SRL: variants seen among roughly 807,000 people sequenced by gnomAD.
SRL encodes sarcalumenin.
A neutral mutation model predicts 39.5 loss-of-function variants in SRL; 23 were observed. The observed-to-expected ratio is 0.58, with a 90% CI of 0.42 to 0.82. SRL has a LOEUF of 0.82. Ranked by LOEUF, SRL falls within the 40% of genes least tolerant of loss-of-function variation. SRL has a pLI of 0.00. For missense variants in SRL, 592 were observed against 607.8 expected (o/e 0.97, Z 0.27); for synonymous variants, 272 against 237.4 (o/e 1.15, Z -1.34).
chr16:4,224,908 C>A lies in SRL; in HGVS notation c.61+17099G>T, dbSNP rs2052570251. ...ATCCACACAATGCAATATTTCCCAG[C>A]CATGGAAAGGGGTGGAGCGCTTCCA... On this transcript the variant is annotated intron_variant, in intron 1 of 5. Transcript: ENST00000399609. Among the ~76,000 whole-genome samples the A allele has an allele frequency of 2.0e-5, 3 of 152,134 alleles. No homozygotes were observed. The South Asian group carries it at 6.2e-4, about 31-fold the overall frequency.
At chr16:4,205,728 T>C (rs893275956) in intron 1 of SRL, among the ~76,000 whole-genome samples, 1 of 152,122 alleles carries the variant, frequency 6.6e-6, no homozygotes, top group Non-Finnish European at 1.5e-5. Context: ...GGGCAGGACC[T>C]TCCACAGGGC....
chr16:4,237,086 TA>T lies in SRL; in HGVS notation c.61+4920del, dbSNP rs577412945. On this transcript the variant is annotated intron_variant, in intron 1 of 5. Transcript: ENST00000399609. ...CCTCCCAAGTAGCTGGGACTACAGG[TA>T]CCCGCCATCATGCCCAGTTCATTTT... is the stretch of plus-strand genomic sequence containing the variant. Among the ~76,000 whole-genome samples the T allele has an allele frequency of 4.0e-3, 605 of 152,056 alleles. 5 individuals carry two copies. Among genetic ancestry groups the T allele is most frequent in the African/African-American group, 0.014 (581 of 41,470 alleles).
At chr16:4,210,874 T>A (rs1295937161) in intron 1 of SRL, among the ~76,000 whole-genome samples, 1 of 152,196 alleles carries the variant, frequency 6.6e-6, no homozygotes, top group South Asian at 2.1e-4. Flanking sequence ...GCTTGGGCCA[T>A]GTGACTTCAG....
chr16:4,208,515 G>C (rs2052354797), intron 1 of SRL, among the ~76,000 whole-genome samples: 1 of 152,162 alleles, frequency 6.6e-6, no homozygotes, highest in African/African-American at 2.4e-5. Context: ...GTGCAGCTGG[G>C]CTCAACCTTG....
chr16:4,238,858 C>T (rs1420798031), intron 1 of SRL, among the ~76,000 whole-genome samples: 2 of 151,756 alleles, frequency 1.3e-5, no homozygotes, highest in South Asian at 2.1e-4. Context: ...TAGCTTCAAG[C>T]GATCCTCCCA....
At chr16:4,235,476 A>T (rs1176348273) in intron 1 of SRL, among the ~76,000 whole-genome samples, 1 of 152,200 alleles carries the variant, frequency 6.6e-6, no homozygotes, top group Non-Finnish European at 1.5e-5. Flanking sequence ...CAGGAGAATC[A>T]CTTGAGCCCA....
chr16:4,227,815 A>T (rs1439710777), intron 1 of SRL, among the ~76,000 whole-genome samples: 1 of 152,200 alleles, frequency 6.6e-6, no homozygotes, highest in Non-Finnish European at 1.5e-5. Flanking sequence ...ATCATGTGAC[A>T]GCTACATGAA....
chr16:4,204,348 C>T (rs555552843), intron 2 of SRL, among the ~76,000 whole-genome samples, 185 bp downstream of exon 2: 13 of 89,340 alleles, frequency 1.5e-4, no homozygotes, highest in Admixed American at 3.8e-4. Flanking sequence ...GCCTCCTCCA[C>T]GAAGCCTCCC....
chr16:4,199,692 CCTTTTTTTT>C (rs2088773409), intron 3 of SRL, among the ~76,000 whole-genome samples: 1 of 111,454 alleles, frequency 9.0e-6, no homozygotes, highest in African/African-American at 3.4e-5. Flanking sequence ...CTTTTCTTTT[CCTTTTTTTT>C]TTTTTTTTTT....
chr16:4,219,866 C>T (rs886574637), intron 1 of SRL, among the ~76,000 whole-genome samples: 2 of 152,002 alleles, frequency 1.3e-5, no homozygotes, highest in African/African-American at 4.8e-5. Flanking sequence ...GAATGGTTGT[C>T]ATCACCACCA....
chr16:4,210,659 T>C (rs1283601233), intron 1 of SRL, among the ~76,000 whole-genome samples: 1 of 152,088 alleles, frequency 6.6e-6, no homozygotes, highest in Non-Finnish European at 1.5e-5. Context: ...ATTTTTGTAT[T>C]TTTAATAGAG....
intron 1 of SRL, among the ~76,000 whole-genome samples, chr16:4,241,017 G>T (rs774466490): frequency 1.3e-5 from 2 of 152,036 alleles, no homozygotes; most frequent in Non-Finnish European, 2.9e-5. Flanking sequence ...TCCCTGCAGG[G>T]ACTGTGCCCC....
chr16:4,232,729 C>G (rs1213014105), intron 1 of SRL, among the ~76,000 whole-genome samples: 1 of 152,194 alleles, frequency 6.6e-6, no homozygotes, highest in Admixed American at 6.5e-5. Context: ...CCAAGGTACT[C>G]TTGAACTCCT....
At chr16:4,225,659 C>G (rs569937251) in intron 1 of SRL, among the ~76,000 whole-genome samples, 157 of 152,262 alleles carry the variant, frequency 1.0e-3, no homozygotes, top group African/African-American at 3.7e-3. Flanking sequence ...TCAATCCAAC[C>G]ATTTCTTAAC....
In SRL at chr16:4,191,900, G is replaced by GC; in HGVS notation, c.*252dup. ...CCTTCCAAGACAGGACCCAGGAAAA[G>GC]CAGGTGGAGGCTGACTTGCCTCAAT... On this transcript the variant is annotated 3_prime_UTR_variant, in exon 6 of 6. Transcript: ENST00000399609. The GC allele has an allele frequency of 2.3e-6, 1 of 440,246 alleles. No homozygotes were observed. Among genetic ancestry groups the GC allele is most frequent in the East Asian group, 3.5e-5 (1 of 28,788 alleles). 27.3% of individuals were successfully genotyped at this position (440,246 alleles called of 1,614,324 possible).
intron 1 of SRL, among the ~76,000 whole-genome samples, chr16:4,215,862 C>G (rs2052453255): frequency 6.6e-6 from 1 of 152,068 alleles, no homozygotes; most frequent in Non-Finnish European, 1.5e-5. Context: ...TTACTACTGG[C>G]CCATCTTTCC....
In SRL at chr16:4,199,692, C is replaced by CTTTTT. The variant is rs201684866; in HGVS notation, c.260-1778_260-1777insAAAAA. On this transcript the variant is annotated intron_variant, in intron 3 of 5. Transcript: ENST00000399609. ...GCCCCTCCCCATCTTCTTTTCTTTTCCTTTTTTTTTTTTTTTTTTTTTGAG... is the reference window on the plus strand; with the variant it reads ...GCCCCTCCCCATCTTCTTTTCTTTTCTTTTTCTTTTTTTTTTTTTTTTTTTTTGAG... 9.1e-4 allele frequency among the ~76,000 whole-genome samples: 102 copies of CTTTTT among 111,508 alleles called. 5 individuals carry two copies. The highest frequency in any genetic ancestry group is 3.2e-3 in the African/African-American group (96 of 29,620). 73.2% of individuals were successfully genotyped at this position (111,508 alleles called of 152,430 possible).
chr16:4,214,250 G>A (rs562470231), intron 1 of SRL, among the ~76,000 whole-genome samples: 2 of 152,268 alleles, frequency 1.3e-5, no homozygotes, highest in Admixed American at 6.5e-5. Context: ...ATTCCAGCCC[G>A]TCCAAGTCTC....
chr16:4,220,941 G>A (rs1222178930), intron 1 of SRL, among the ~76,000 whole-genome samples: 1 of 152,028 alleles, frequency 6.6e-6, no homozygotes, highest in Non-Finnish European at 1.5e-5. Context: ...AGCTATGATT[G>A]TGCCACTGCG....
Sources: gnomAD v4.1 joint callset for allele counts (sites outside exome capture counted in the v4.1 genomes callset) on GRCh38, gnomAD v4.1.1 for gene constraint, MANE v1.5 for transcripts, NCBI Gene and HGNC (gene_info 2026-07-23, HGNC 2026-07-21) for gene names.